GAPVD1: variants seen among roughly 807,000 people sequenced by gnomAD.
GAPVD1 encodes the protein GTPase-activating protein and VPS9 domain-containing protein 1.
A neutral mutation model predicts 155.5 loss-of-function variants in GAPVD1; 35 were observed. The ratio of observed to expected loss-of-function variants is 0.23; its 90% CI spans 0.17 to 0.30. The LOEUF (loss-of-function observed/expected upper bound fraction) is 0.30. Ranked by LOEUF, GAPVD1 falls within the 10% of genes least tolerant of loss-of-function variation. The pLI, the probability that GAPVD1 is intolerant of heterozygous loss-of-function variation, is 1.00. For synonymous variants in GAPVD1, 636 were observed against 619.7 expected, an observed-to-expected ratio of 1.03 and a Z score of -0.39; for missense variants, 1,429 against 1,775.7, an observed-to-expected ratio of 0.80 and a Z score of 3.51.
Position 125,302,808 on chromosome 9 carries a change from A to G in GAPVD1, c.1011A>G (p.Ala337=). 6.2e-7 allele frequency: 1 copy of G among 1,604,468 alleles called. No individual in the cohort carries two copies. The highest frequency in any genetic ancestry group is 8.5e-7 in the Non-Finnish European group (1 of 1,175,246). ...CCGATGCTCCTATTAATGAAGTAGC[A>G]CGATTTAATCTGATGCAGGTATGCT... ...IISDAPINEV[A]RFNLMQVGRL... The change falls in exon 5 of 28, where the codon GCA becomes GCG. Residue 337 remains alanine, a synonymous_variant. Coordinates refer to ENST00000297933, the MANE Select transcript of GAPVD1 (RefSeq NM_001282680.3).
chr9:125,306,523 G>A (rs1384570047), intron 6 of GAPVD1, among the ~76,000 whole-genome samples: 1 of 145,510 alleles, frequency 6.9e-6, no homozygotes, highest in Non-Finnish European at 1.5e-5. Context: ...TTTTTTTTTT[G>A]AGACAGGGTC....
At chr9:125,323,337 G>A (rs538834220) in intron 10 of GAPVD1, among the ~76,000 whole-genome samples, 110 of 149,026 alleles carry the variant, frequency 7.4e-4, no homozygotes, top group Non-Finnish European at 1.1e-3. Flanking sequence ...ATGGAGTCTC[G>A]CTCTGTCGCC....
Position 125,355,748 on chromosome 9 carries a change from A to T in GAPVD1, c.3862A>T (p.Ser1288Cys). 1.2e-6 allele frequency: 2 copies of T among 1,613,148 alleles called. No individual in the cohort carries two copies. Among genetic ancestry groups the T allele is most frequent in the South Asian group, 2.2e-5 (2 of 91,052 alleles). Residue 1288 changes from serine (S) to cysteine (C), a missense_variant, in exon 25 of 28, where the codon AGT becomes TGT. Physicochemically the swap from Ser to Cys is moderately radical, Grantham distance 112 (BLOSUM62 -1). Around this residue, in one of 4 missense-constraint regions of GAPVD1, gnomAD observed 699 missense variants for 826.0 expected, o/e 0.85. Transcript: ENST00000297933. Reference protein sequence around the residue: ...MAQDVIWQNASEEQLQDAQLA... With the variant: ...MAQDVIWQNACEEQLQDAQLA... The stretch of plus-strand genomic sequence containing the variant: ...CCAGGATGTCATATGGCAAAACGCG[A>T]GTGAAGAACAGCTTCAAGATGCACA...
intron 2 of GAPVD1, among the ~76,000 whole-genome samples, chr9:125,273,439 A>G (rs1835223072): frequency 6.7e-6 from 1 of 149,842 alleles, no homozygotes; most frequent in Non-Finnish European, 1.5e-5. Context: ...CAGTAATTGC[A>G]CTAGTAGGTC....
chr9:125,342,660 CATTG>C (rs1847981621), intron 19 of GAPVD1, among the ~76,000 whole-genome samples: 3 of 152,156 alleles, frequency 2.0e-5, no homozygotes, highest in African/African-American at 4.8e-5. Context: ...ATCTTTGGAT[CATTG>C]ATTGAATAGT....
chr9:125,321,595 G>A (rs2131512917), intron 10 of GAPVD1, 33 bp downstream of exon 10: 1 of 1,589,900 alleles, frequency 6.3e-7, no homozygotes, highest in South Asian at 1.1e-5. Flanking sequence ...GAGTTGTGTG[G>A]TTCAATTAAT....
chr9:125,305,006 G>A (rs1841546978), intron 5 of GAPVD1, 57 bp from the exon 6 acceptor site: 8 of 1,084,452 alleles, frequency 7.4e-6, no homozygotes, highest in East Asian at 2.4e-5. Context: ...TCATAGAGAC[G>A]TATTTGTGAG....
rs1482925164 is a variant in GAPVD1, at chr9:125,354,639, T to C, written c.3570-15T>C. The C allele has an allele frequency of 6.3e-7, 1 of 1,576,042 alleles. No individual in the cohort carries two copies. The highest frequency in any genetic ancestry group is 8.7e-7 in the Non-Finnish European group (1 of 1,146,362). ...TGAATATATCTGATGTCATGCAAAG[T>C]ATTTTTCCTTTTAGAAAAAGAGCCC... On this transcript the variant is annotated splice_polypyrimidine_tract_variant and intron_variant, in intron 23 of 27. Transcript: ENST00000297933.
At chr9:125,286,880 T>G (rs1227814233) in intron 2 of GAPVD1, among the ~76,000 whole-genome samples, 2 of 151,980 alleles carry the variant, frequency 1.3e-5, no homozygotes, top group Non-Finnish European at 2.9e-5. Context: ...GGTCATGAGT[T>G]TGAGACCAGC....
Position 125,302,430 on chromosome 9 carries a change from T to C in GAPVD1, c.633T>C (p.Asp211=). The C allele has an allele frequency of 1.2e-6, 2 of 1,613,730 alleles. No individual in the cohort carries two copies. Among genetic ancestry groups the C allele is most frequent in the Non-Finnish European group, 1.7e-6 (2 of 1,179,808 alleles). ...HEPIMQLLVE[D]EDHLETDPNK... Reference sequence around the variant, plus strand: ...CAATTATGCAACTGCTTGTTGAAGATGAAGATCACCTGGAAACAGATCCAA... The same window carrying C: ...CAATTATGCAACTGCTTGTTGAAGACGAAGATCACCTGGAAACAGATCCAA... The change falls in exon 5 of 28, where the codon GAT becomes GAC. Residue 211 remains aspartate, a synonymous_variant. Transcript: ENST00000297933.
rs369520943 is a variant in GAPVD1, at chr9:125,325,179, C to T, written c.1859-1237C>T. On this transcript the variant is annotated intron_variant, in intron 11 of 27. Coordinates refer to ENST00000297933, the MANE Select transcript of GAPVD1 (RefSeq NM_001282680.3). Reference sequence around the variant, plus strand: ...GGCAGGGGTTGCAGTGAGCTGAGATCGCACCACTGCACTCTAGCCTGGGCG... The same window carrying T: ...GGCAGGGGTTGCAGTGAGCTGAGATTGCACCACTGCACTCTAGCCTGGGCG... 1.7e-3 allele frequency among the ~76,000 whole-genome samples: 259 copies of T among 151,258 alleles called. 1 individual carries two copies. Among genetic ancestry groups the T allele is most frequent in the African/African-American group, 5.9e-3 (241 of 41,186 alleles).
intron 2 of GAPVD1, among the ~76,000 whole-genome samples, chr9:125,273,883 C>T (rs998755130): frequency 4.6e-5 from 7 of 151,974 alleles, no homozygotes; most frequent in Non-Finnish European, 1.0e-4. Context: ...TGTCATGGCA[C>T]AGAGGTTTCC....
intron 2 of GAPVD1, among the ~76,000 whole-genome samples, chr9:125,276,382 T>C (rs1001022220): frequency 6.6e-6 from 1 of 152,192 alleles, no homozygotes; most frequent in African/African-American, 2.4e-5. Context: ...TAATATTTAC[T>C]GCCTAATTTT....
In GAPVD1 at chr9:125,341,253, C is replaced by G. The variant is rs779962371; in HGVS notation, c.2954C>G (p.Ala985Gly). ...TGGTGGAGAAAACGTTTTGTTTCAG[C>G]CATGCCTAAAGGTAATTTTATAAAA... ...RPWWRKRFVS[A>G]MPKAPIPFRK... The change falls in exon 18 of 28, where the codon GCC becomes GGC. Residue 985 changes from alanine (A) to glycine (G), a missense_variant. By Grantham distance (60) the Ala-to-Gly change is moderately conservative (BLOSUM62 0). Coordinates refer to ENST00000297933, the MANE Select transcript of GAPVD1 (RefSeq NM_001282680.3). 2.6e-6 allele frequency: 4 copies of G among 1,533,924 alleles called. No homozygotes were observed. The Admixed American group carries it at 6.9e-5, about 27-fold the overall frequency.
intron 15 of GAPVD1, among the ~76,000 whole-genome samples, chr9:125,333,718 C>T (rs933105530): frequency 6.6e-6 from 1 of 151,246 alleles, no homozygotes; most frequent in Admixed American, 6.6e-5. Context: ...GAACCCCCAA[C>T]CTCAGGTGAT....
At chr9:125,275,595 A>G (rs1300612107) in intron 2 of GAPVD1, among the ~76,000 whole-genome samples, 1 of 152,028 alleles carries the variant, frequency 6.6e-6, no homozygotes, top group Non-Finnish European at 1.5e-5. Flanking sequence ...CAAAAAATAC[A>G]AGAGTTAGTT....
chr9:125,319,353 G>A (rs962352831), intron 9 of GAPVD1, among the ~76,000 whole-genome samples: 21 of 149,468 alleles, frequency 1.4e-4, no homozygotes, highest in African/African-American at 4.9e-4. Context: ...CAGCCTGGGC[G>A]ACAGAATGAG....
Position 125,336,959 on chromosome 9 carries a change from G to T in GAPVD1, c.2429-59G>T, listed in dbSNP as rs1847113558. On this transcript the variant is annotated intron_variant, in intron 15 of 27. Transcript: ENST00000297933. ...AAGAATACTTAAAACCCTTTAAACT[G>T]TGTTGAGACCGTCTGTCCTGCGTCC... 4 of 945,136 alleles carry T rather than the reference G, an allele frequency of 4.2e-6. No homozygotes were observed. In the East Asian group the frequency reaches 9.5e-5, roughly 23 times the overall value. The allele number at this position is 945,136 out of a possible 1,614,324, so 58.5% of individuals were successfully genotyped here. A position where few individuals can be genotyped will look rare whatever the true frequency, so the allele number is the denominator to read the frequency against.
chr9:125,272,804 G>A (rs1200616486), intron 2 of GAPVD1, among the ~76,000 whole-genome samples: 1 of 152,178 alleles, frequency 6.6e-6, no homozygotes, highest in Non-Finnish European at 1.5e-5. Context: ...TAAATGTGAT[G>A]AAATGTACAT....
Sources: allele counts gnomAD v4.1 joint callset (sites outside exome capture counted in the v4.1 genomes callset), GRCh38; gene constraint gnomAD v4.1.1; regional missense constraint gnomAD v4.1.1; transcripts MANE v1.5; gene names NCBI Gene and HGNC (gene_info 2026-07-23, HGNC 2026-07-21).